The following LRMDA variants were observed in gnomAD, a reference collection of about 807,000 sequenced individuals.
The protein encoded by LRMDA is leucine-rich melanocyte differentiation-associated protein.
In LRMDA, 18 loss-of-function variants were observed where a neutral mutation model predicts 29.8. That is an observed-to-expected ratio of 0.60 (90% CI 0.42 to 0.90). The LOEUF (loss-of-function observed/expected upper bound fraction) is 0.90, where lower values mean the gene tolerates loss of function less well. Among genes scored for constraint, LRMDA ranks in the 40% least tolerant of loss-of-function variants. LRMDA has a pLI of 0.00. For synonymous variants in LRMDA, 125 were observed against 109.4 expected (o/e 1.14, Z -0.89); for missense variants, 273 against 273.9 (o/e 1.00, Z 0.02).
chr10:76,306,168 C>T (rs1840553053), intron 5 of LRMDA, among the ~76,000 whole-genome samples: 1 of 152,158 alleles, frequency 6.6e-6, no homozygotes, highest in Non-Finnish European at 1.5e-5. Flanking sequence ...CTTATCCTCT[C>T]CTCTGCAATC....
intron 2 of LRMDA, among the ~76,000 whole-genome samples, chr10:75,598,737 C>T (rs916610607): frequency 1.3e-4 from 20 of 152,210 alleles, no homozygotes; most frequent in African/African-American, 3.9e-4. Flanking sequence ...GTCTTTCTTA[C>T]GCATACCTAG....
chr10:76,031,656 G>C (rs899903116), intron 2 of LRMDA, among the ~76,000 whole-genome samples: 1 of 152,130 alleles, frequency 6.6e-6, no homozygotes, highest in African/African-American at 2.4e-5. Context: ...AGGTCTGGGG[G>C]CCTAGCCAGG....
intron 5 of LRMDA, among the ~76,000 whole-genome samples, chr10:76,171,123 T>A (rs1344282918): frequency 1.3e-5 from 2 of 152,194 alleles, no homozygotes; most frequent in Non-Finnish European, 2.9e-5. Flanking sequence ...AAGCTGGTTT[T>A]AAAACCCCTT....
At chr10:76,014,795 G>C (rs907586089) in intron 2 of LRMDA, among the ~76,000 whole-genome samples, 1 of 152,182 alleles carries the variant, frequency 6.6e-6, no homozygotes, top group African/African-American at 2.4e-5. Flanking sequence ...CACTGGCTCT[G>C]GATCAGTGAG....
At chr10:75,771,628 CT>C (rs893866238) in intron 2 of LRMDA, among the ~76,000 whole-genome samples, 4 of 152,028 alleles carry the variant, frequency 2.6e-5, no homozygotes, top group Admixed American at 1.3e-4. Flanking sequence ...CTGGTGGGCT[CT>C]GCTTAGGAGT....
chr10:76,519,543 G>A (rs1843097993), intron 6 of LRMDA, among the ~76,000 whole-genome samples: 1 of 152,172 alleles, frequency 6.6e-6, no homozygotes, highest in African/African-American at 2.4e-5. Context: ...AGGACATAAA[G>A]AGAAAGATTT....
intron 2 of LRMDA, among the ~76,000 whole-genome samples, chr10:75,635,975 A>T (rs1369756955): frequency 6.6e-6 from 1 of 152,176 alleles, no homozygotes; most frequent in South Asian, 2.1e-4. Flanking sequence ...GTGCTACAGA[A>T]ACCATCTTAT....
At chr10:75,768,643 C>T (rs886735651) in intron 2 of LRMDA, among the ~76,000 whole-genome samples, 1 of 152,144 alleles carries the variant, frequency 6.6e-6, no homozygotes, top group African/African-American at 2.4e-5. Context: ...GTCTTTCAGT[C>T]CCAGCTTCTG....
At chr10:76,208,476 G>A (rs538382976) in intron 5 of LRMDA, among the ~76,000 whole-genome samples, 1 of 152,238 alleles carries the variant, frequency 6.6e-6, no homozygotes, top group South Asian at 2.1e-4. Context: ...AAGGAAACAT[G>A]GACCTCAATC....
intron 5 of LRMDA, among the ~76,000 whole-genome samples, chr10:76,302,623 G>A (rs1840495785): frequency 6.6e-6 from 1 of 151,842 alleles, no homozygotes; most frequent in Non-Finnish European, 1.5e-5. Context: ...AATGTTTGTG[G>A]TTTGTGATAT....
intron 6 of LRMDA, among the ~76,000 whole-genome samples, chr10:76,334,703 T>C (rs1840945971): frequency 6.6e-6 from 1 of 152,132 alleles, no homozygotes; most frequent in South Asian, 2.1e-4. Flanking sequence ...ATAAAGGGTG[T>C]GGTATTGGGC....
intron 5 of LRMDA, among the ~76,000 whole-genome samples, chr10:76,236,907 C>T (rs1852163196): frequency 6.6e-6 from 1 of 152,190 alleles, no homozygotes; most frequent in Admixed American, 6.5e-5. Flanking sequence ...ACTATAATTT[C>T]AAAGCTATGC....
intron 2 of LRMDA, among the ~76,000 whole-genome samples, chr10:75,441,050 GA>G (rs1844321536): frequency 6.6e-6 from 1 of 151,936 alleles, no homozygotes; most frequent in Admixed American, 6.6e-5. Flanking sequence ...AAGAAAGAAA[GA>G]AAGAGAAAAA....
At chr10:75,886,482 T>A (rs1316120665) in intron 2 of LRMDA, among the ~76,000 whole-genome samples, 1 of 152,202 alleles carries the variant, frequency 6.6e-6, no homozygotes, top group Non-Finnish European at 1.5e-5. Context: ...GTCATATTTT[T>A]ATTAAAATAT....
chr10:75,794,587 T>A (rs1005307850), intron 2 of LRMDA, among the ~76,000 whole-genome samples: 3 of 152,228 alleles, frequency 2.0e-5, no homozygotes, highest in African/African-American at 4.8e-5. Flanking sequence ...CTACTCTACA[T>A]CCTCTCCAAC....
intron 2 of LRMDA, among the ~76,000 whole-genome samples, chr10:75,477,938 A>G (rs990359572): frequency 2.0e-5 from 3 of 152,198 alleles, no homozygotes; most frequent in Non-Finnish European, 2.9e-5. Flanking sequence ...TCTTATCCAC[A>G]TGGCCCCTTT....
intron 2 of LRMDA, among the ~76,000 whole-genome samples, chr10:75,561,564 T>A (rs551019579): frequency 2.6e-5 from 4 of 151,344 alleles, no homozygotes; most frequent in African/African-American, 9.8e-5. Flanking sequence ...ATTTCTTGCC[T>A]TCTGCTAGCT....
chr10:75,928,743 T>A (rs74146996), intron 2 of LRMDA, among the ~76,000 whole-genome samples: 10 of 152,108 alleles, frequency 6.6e-5, no homozygotes, highest in Admixed American at 2.0e-4. Flanking sequence ...AAACCACTCA[T>A]GTGGCACTGG....
chr10:75,858,556 G>A (rs1844866817), intron 2 of LRMDA, among the ~76,000 whole-genome samples: 1 of 152,178 alleles, frequency 6.6e-6, no homozygotes, highest in Admixed American at 6.5e-5. Context: ...CATTGAGAGT[G>A]GGAGAGGCTG....
Sources: allele counts gnomAD v4.1 joint callset (sites outside exome capture counted in the v4.1 genomes callset), GRCh38; gene constraint gnomAD v4.1.1; transcripts MANE v1.5; gene names NCBI Gene and HGNC (gene_info 2026-07-23, HGNC 2026-07-21).